DEPDC1B: variants seen among roughly 807,000 people sequenced by gnomAD.
DEPDC1B encodes DEP domain containing 1B, also known as DEP domain-containing protein 1B.
Under a neutral mutation model 66.5 loss-of-function variants are expected in DEPDC1B, and 51 were observed. The ratio of observed to expected loss-of-function variants is 0.77; its 90% confidence interval spans 0.61 to 0.97. DEPDC1B has a LOEUF of 0.97. Ranked by LOEUF, DEPDC1B falls within the 50% of genes least tolerant of loss-of-function variation. The probability of loss-of-function intolerance (pLI) is 0.00; values close to 1 mark genes in which losing one functional copy is unlikely to be tolerated. For synonymous variants in DEPDC1B, 226 were observed against 223.6 expected (o/e 1.01, Z -0.10); for missense variants, 552 against 637.1 (o/e 0.87, Z 1.44).
rs528758437 is a variant in DEPDC1B, at chr5:60,699,443, G to GAAAAAAAAAA, written c.48+593_48+602dup. On this transcript the variant is annotated intron_variant, in intron 1 of 10. Transcript: ENST00000265036. The stretch of plus-strand genomic sequence containing the variant: ...CCTCAATACCAAAGCTTTTCTCCCA[G>GAAAAAAAAAA]AAAAAAAAAAAAAAAAAAACAGGAA... Among the ~76,000 whole-genome samples the GAAAAAAAAAA allele has an allele frequency of 1.5e-3, 133 of 89,348 alleles. 15 individuals are homozygous for GAAAAAAAAAA. The highest frequency in any genetic ancestry group is 6.7e-3 in the African/African-American group (121 of 18,178). The allele number at this position is 89,348 out of a possible 152,430, so 58.6% of individuals were successfully genotyped here.
intron 2 of DEPDC1B, among the ~76,000 whole-genome samples, chr5:60,672,954 G>T (rs941895621): frequency 6.6e-6 from 1 of 152,110 alleles, no homozygotes; most frequent in Admixed American, 6.5e-5. Context: ...GTAAGAAAGG[G>T]AACTCACTGA....
intron 7 of DEPDC1B, among the ~76,000 whole-genome samples, chr5:60,633,618 T>C (rs1752973187): frequency 6.6e-6 from 1 of 152,184 alleles, no homozygotes; most frequent in South Asian, 2.1e-4. Context: ...TAGCCTGCAG[T>C]CCTGGGAGTG....
chr5:60,627,497 T>G (rs1752830905), intron 7 of DEPDC1B, among the ~76,000 whole-genome samples: 1 of 152,132 alleles, frequency 6.6e-6, no homozygotes, highest in Non-Finnish European at 1.5e-5. Context: ...GTTCATTTCA[T>G]TTTGCTAAAC....
At chr5:60,668,359 C>T (rs534126021) in intron 2 of DEPDC1B, among the ~76,000 whole-genome samples, 1 of 149,666 alleles carries the variant, frequency 6.7e-6, no homozygotes, top group Admixed American at 6.7e-5. Context: ...ACTGCAACCT[C>T]CGCCTCCCAG....
At position 60,605,863 on chromosome 5, in the gene DEPDC1B, T is replaced by TAA; in HGVS notation, c.899-8_899-7insTT. On this transcript the variant is annotated splice_region_variant and splice_polypyrimidine_tract_variant and intron_variant, in intron 7 of 10. Coordinates refer to ENST00000265036, the MANE Select transcript of DEPDC1B (RefSeq NM_018369.3). ...TTCTCCTTCTGTAACAAACCTGATT[T>TAA]AGAAAAAAAAAAATGTTATCTTTCA... 6.3e-7 allele frequency: 1 copy of TAA among 1,587,068 alleles called. No homozygotes were observed. Among genetic ancestry groups the TAA allele is most frequent in the Non-Finnish European group, 8.5e-7 (1 of 1,171,534 alleles).
chr5:60,675,903 C>CTTTTTTTTTT (rs35113345), intron 2 of DEPDC1B, among the ~76,000 whole-genome samples: 1 of 138,970 alleles, frequency 7.2e-6, no homozygotes, highest in African/African-American at 2.6e-5. Context: ...TTTCTTTTTT[C>CTTTTTTTTTT]TTTTTTTTTT....
intron 7 of DEPDC1B, among the ~76,000 whole-genome samples, chr5:60,632,004 A>G (rs747864946): frequency 1.3e-5 from 2 of 152,212 alleles, no homozygotes; most frequent in Non-Finnish European, 2.9e-5. Flanking sequence ...TTCAACATGA[A>G]TGATGTCCTG....
At chr5:60,644,651 T>C in intron 5 of DEPDC1B, 94 bp downstream of exon 5, 1 of 1,060,082 alleles carries the variant, frequency 9.4e-7, no homozygotes, top group Non-Finnish European at 1.3e-6. Flanking sequence ...AACAAACTTA[T>C]TCAGGGTTTA....
In DEPDC1B at chr5:60,597,620, G is replaced by A. The variant is rs769240764; in HGVS notation, c.*133C>T. The A allele has an allele frequency of 2.7e-5, 26 of 974,088 alleles. No homozygotes were observed. The highest frequency in any genetic ancestry group is 3.7e-5 in the Non-Finnish European group (25 of 674,360). 60.3% of individuals were successfully genotyped at this position (974,088 alleles called of 1,614,324 possible). On this transcript the variant is annotated 3_prime_UTR_variant, in exon 11 of 11. Transcript: ENST00000265036. ...TGGCCAAACATTTTTAAAAACTAAGGCAATCTTTATCTATATTTCAGTAGT... is the reference window on the plus strand; with the variant it reads ...TGGCCAAACATTTTTAAAAACTAAGACAATCTTTATCTATATTTCAGTAGT...
At chr5:60,691,579 A>G (rs973727519) in intron 1 of DEPDC1B, among the ~76,000 whole-genome samples, 1 of 152,226 alleles carries the variant, frequency 6.6e-6, no homozygotes, top group Non-Finnish European at 1.5e-5. Context: ...ACTGAGTAGG[A>G]TAAGATATAT....
intron 7 of DEPDC1B, among the ~76,000 whole-genome samples, chr5:60,618,122 G>A (rs1459067587): frequency 6.6e-6 from 1 of 152,154 alleles, no homozygotes; most frequent in East Asian, 1.9e-4. Flanking sequence ...CAGAATCTCT[G>A]GGACACATTC....
chr5:60,699,915 C>T, intron 1 of DEPDC1B, 131 bp downstream of exon 1: 1 of 1,122,880 alleles, frequency 8.9e-7, no homozygotes, highest in Non-Finnish European at 1.3e-6. Context: ...CCCCAGTAGT[C>T]CCAGCTGAAA....
chr5:60,605,660 A>G (rs750310457), intron 8 of DEPDC1B, 30 bp downstream of exon 8: 75 of 1,603,374 alleles, frequency 4.7e-5, no homozygotes, highest in Non-Finnish European at 6.0e-6. Flanking sequence ...CATTCCAAAA[A>G]GTCATACCTG....
At chr5:60,691,352 C>A (rs1459006939) in intron 1 of DEPDC1B, among the ~76,000 whole-genome samples, 1 of 152,180 alleles carries the variant, frequency 6.6e-6, no homozygotes, top group East Asian at 1.9e-4. Flanking sequence ...CCACACCCAG[C>A]ACTTTTTCTA....
At chr5:60,669,933 A>C (rs1260468687) in intron 2 of DEPDC1B, among the ~76,000 whole-genome samples, 4 of 152,198 alleles carry the variant, frequency 2.6e-5, no homozygotes, top group Non-Finnish European at 5.9e-5. Context: ...CAAGATTTAC[A>C]AGAAAAACTA....
intron 1 of DEPDC1B, among the ~76,000 whole-genome samples, chr5:60,689,463 T>C (rs1380469519): frequency 6.6e-6 from 1 of 152,186 alleles, no homozygotes; most frequent in African/African-American, 2.4e-5. Flanking sequence ...AATTAAGAAA[T>C]TTACTCAAAT....
chr5:60,647,849 T>C (rs567992271), intron 2 of DEPDC1B: 26 of 164,630 alleles, frequency 1.6e-4, no homozygotes, highest in Admixed American at 2.6e-4. Context: ...AGGCAGCGGG[T>C]TGTTGACTTT....
chr5:60,642,736 T>C (rs1753219329), intron 6 of DEPDC1B, 76 bp downstream of exon 6: 5 of 1,135,168 alleles, frequency 4.4e-6, no homozygotes, highest in African/African-American at 1.5e-5. Context: ...GTTCAGGCCA[T>C]TGAGCAGAAA....
intron 2 of DEPDC1B, among the ~76,000 whole-genome samples, chr5:60,664,854 C>A (rs1476610126): frequency 1.3e-5 from 2 of 152,066 alleles, no homozygotes; most frequent in African/African-American, 4.8e-5. Context: ...CATGCCCGTG[C>A]AACAATATGG....
Sources: allele counts gnomAD v4.1 joint callset (sites outside exome capture counted in the v4.1 genomes callset), GRCh38; gene constraint gnomAD v4.1.1; transcripts MANE v1.5; gene names NCBI Gene and HGNC (gene_info 2026-07-23, HGNC 2026-07-21).